RSRC1: variants seen among roughly 807,000 people sequenced by gnomAD.
The protein encoded by RSRC1 is arginine and serine rich coiled-coil 1, also known as serine/Arginine-related protein 53.
RSRC1 carries 39 observed loss-of-function variants against 49.1 expected under a neutral mutation model. The ratio of observed to expected loss-of-function variants is 0.79; its 90% CI spans 0.61 to 1.04. The LOEUF (loss-of-function observed/expected upper bound fraction) is 1.04. Ranked by LOEUF, RSRC1 falls within the 50% of genes least tolerant of loss-of-function variation. RSRC1 has a pLI of 0.00. For missense variants in RSRC1, 388 were observed against 402.4 expected, an observed-to-expected ratio of 0.96 and a Z score of 0.31; for synonymous variants, 143 against 130.8, an observed-to-expected ratio of 1.09 and a Z score of -0.63.
At chr3:158,228,937 C>A (rs1281728668) in intron 4 of RSRC1, among the ~76,000 whole-genome samples, 1 of 139,772 alleles carries the variant, frequency 7.2e-6, no homozygotes, top group African/African-American at 2.8e-5. Context: ...AACACACATA[C>A]GTGTATATGT....
chr3:158,398,690 G>A (rs1448047414), intron 6 of RSRC1, among the ~76,000 whole-genome samples: 3 of 152,102 alleles, frequency 2.0e-5, no homozygotes, highest in Non-Finnish European at 4.4e-5. Flanking sequence ...AGCTTTCCCT[G>A]TCTGCTATAA....
At chr3:158,414,854 G>A (rs77776492) in intron 6 of RSRC1, among the ~76,000 whole-genome samples, 8,174 of 152,020 alleles carry the variant, frequency 0.054, 323 homozygotes, top group South Asian at 0.1. Flanking sequence ...TTTAATTTAG[G>A]CTTTCTCGAA....
At chr3:158,131,161 A>G (rs1578115912) in intron 3 of RSRC1, among the ~76,000 whole-genome samples, 2 of 151,386 alleles carry the variant, frequency 1.3e-5, no homozygotes, top group South Asian at 4.1e-4. Flanking sequence ...TATTTTTATT[A>G]TACTTTAAGT....
chr3:158,519,365 T>G (rs1711536202), intron 7 of RSRC1, among the ~76,000 whole-genome samples: 1 of 151,966 alleles, frequency 6.6e-6, no homozygotes, highest in South Asian at 2.1e-4. Flanking sequence ...GACCAGTGTT[T>G]TCTTTACTAT....
At chr3:158,280,671 G>T (rs1222332387) in intron 4 of RSRC1, among the ~76,000 whole-genome samples, 1 of 120,354 alleles carries the variant, frequency 8.3e-6, no homozygotes, top group East Asian at 2.5e-4. Context: ...TTTTGAGACG[G>T]AGTCTTGCTC....
chr3:158,195,878 C>T (rs1441639719), intron 3 of RSRC1, among the ~76,000 whole-genome samples: 4 of 151,928 alleles, frequency 2.6e-5, no homozygotes, highest in African/African-American at 9.7e-5. Flanking sequence ...GGTAGCAGTA[C>T]CATGCTGTTC....
intron 3 of RSRC1, among the ~76,000 whole-genome samples, chr3:158,171,588 T>G (rs971063535): frequency 3.3e-5 from 5 of 151,890 alleles, no homozygotes; most frequent in Non-Finnish European, 7.4e-5. Context: ...AAATACAATA[T>G]CTAAACAAAA....
intron 7 of RSRC1, among the ~76,000 whole-genome samples, chr3:158,473,879 G>C (rs543352756): frequency 6.6e-6 from 1 of 152,148 alleles, no homozygotes; most frequent in South Asian, 2.1e-4. Flanking sequence ...CTTCTTAACT[G>C]ATTATAGATC....
chr3:158,132,029 G>T (rs1407603915), intron 3 of RSRC1: 3 of 348,132 alleles, frequency 8.6e-6, no homozygotes, highest in Non-Finnish European at 1.8e-5. Flanking sequence ...TGTCACCTGG[G>T]CTGGAGTGCA....
chr3:158,407,089 T>C (rs1734193585), intron 6 of RSRC1, among the ~76,000 whole-genome samples: 1 of 152,172 alleles, frequency 6.6e-6, no homozygotes, highest in African/African-American at 2.4e-5. Flanking sequence ...GTATAACCAG[T>C]AGCATTTTAG....
intron 7 of RSRC1, among the ~76,000 whole-genome samples, chr3:158,534,930 A>C (rs1576613920): frequency 6.6e-6 from 1 of 151,464 alleles, no homozygotes; most frequent in South Asian, 2.1e-4. Context: ...GGGTAAACAC[A>C]AACTTAGTAA....
intron 6 of RSRC1, among the ~76,000 whole-genome samples, chr3:158,360,206 C>T (rs9872089): frequency 0.5 from 76,452 of 151,944 alleles, 19,474 homozygotes; most frequent in South Asian, 0.6. Flanking sequence ...CTTGTCTCTG[C>T]AGCTCTCAGC....
chr3:158,133,427 C>T (rs1716164226), intron 3 of RSRC1, among the ~76,000 whole-genome samples: 1 of 152,136 alleles, frequency 6.6e-6, no homozygotes, highest in Non-Finnish European at 1.5e-5. Context: ...AACTGTCCTA[C>T]AGCAAGACAG....
At chr3:158,146,872 C>T (rs1475427319) in intron 3 of RSRC1, among the ~76,000 whole-genome samples, 3 of 151,906 alleles carry the variant, frequency 2.0e-5, no homozygotes, top group African/African-American at 7.3e-5. Context: ...GTGTATGTGT[C>T]GAGGAATTTA....
chr3:158,259,126 TGTCTGG>T (rs1414900937), intron 4 of RSRC1, among the ~76,000 whole-genome samples: 1 of 152,144 alleles, frequency 6.6e-6, no homozygotes, highest in Non-Finnish European at 1.5e-5. Context: ...TGTTCATCGG[TGTCTGG>T]GCATTGAAAT....
At chr3:158,212,763 G>A (rs1290162489) in intron 4 of RSRC1, among the ~76,000 whole-genome samples, 4 of 151,908 alleles carry the variant, frequency 2.6e-5, no homozygotes, top group Admixed American at 6.6e-5. Context: ...TGCCAGTCAA[G>A]TCTTTTCTTC....
intron 6 of RSRC1, among the ~76,000 whole-genome samples, chr3:158,455,979 C>CAAAAAAAAAAAAAAA (rs765828003): frequency 7.1e-5 from 4 of 56,518 alleles, no homozygotes; most frequent in Non-Finnish European, 1.1e-4. Context: ...GACTCCATCT[C>CAAAAAAAAAAAAAAA]AAAAAAAAAA....
intron 7 of RSRC1, among the ~76,000 whole-genome samples, chr3:158,518,800 A>AC (rs1306912350): frequency 1.3e-5 from 2 of 152,106 alleles, no homozygotes; most frequent in Non-Finnish European, 2.9e-5. Flanking sequence ...AGTTTATATA[A>AC]CATAGTACTG....
chr3:158,369,357 A>G (rs1731946431), intron 6 of RSRC1, among the ~76,000 whole-genome samples: 1 of 151,970 alleles, frequency 6.6e-6, no homozygotes, highest in African/African-American at 2.4e-5. Context: ...CCTATGAGCC[A>G]TTTTTCCTTT....
Sources: allele counts gnomAD v4.1 joint callset (sites outside exome capture counted in the v4.1 genomes callset), GRCh38; gene constraint gnomAD v4.1.1; transcripts MANE v1.5; gene names NCBI Gene and HGNC (gene_info 2026-07-23, HGNC 2026-07-21).